The following KIRREL2 variants were observed in gnomAD, a reference collection of about 807,000 sequenced individuals.
KIRREL2 encodes the protein kin of IRRE-like protein 2.
A neutral mutation model predicts 73.4 loss-of-function variants in KIRREL2; 56 were observed. That is an observed-to-expected ratio of 0.76 (90% CI 0.62 to 0.95). KIRREL2 has a LOEUF of 0.95. KIRREL2 is among the 40% of genes least tolerant of loss of function. KIRREL2 has a pLI of 0.00. For missense variants in KIRREL2, 896 were observed against 935.0 expected (o/e 0.96, Z 0.54); for synonymous variants, 407 against 404.0 (o/e 1.01, Z -0.09).
At chr19:35,861,437 A>T in intron 9 of KIRREL2, 104 bp from the exon 10 acceptor site, 1 of 1,457,926 alleles carries the variant, frequency 6.9e-7, no homozygotes, top group South Asian at 1.2e-5. Flanking sequence ...GCGTGGCCTG[A>T]TTGATTGAGG....
chr19:35,864,782 G>C, intron 14 of KIRREL2, 69 bp downstream of exon 14: 1 of 1,244,254 alleles, frequency 8.0e-7, no homozygotes, highest in South Asian at 1.2e-5. Context: ...TTGTGTTTCC[G>C]TCTCTCTCCC....
intron 14 of KIRREL2, 137 bp downstream of exon 14, chr19:35,864,850 C>T: frequency 1.5e-6 from 1 of 656,938 alleles, no homozygotes; most frequent in East Asian, 2.8e-5. Flanking sequence ...CAGCTCCCCA[C>T]CCCACTCCTC....
At chr19:35,864,168 A>G (rs1471588146) in intron 13 of KIRREL2, among the ~76,000 whole-genome samples, 3 of 138,998 alleles carry the variant, frequency 2.2e-5, no homozygotes, top group Non-Finnish European at 3.1e-5. Context: ...ATGTCCCCAC[A>G]GCCCGTTTTT....
At chr19:35,856,090 G>A (rs958468929), upstream of KIRREL2, 4 of 152,372 alleles carry the variant, frequency 2.6e-5, no homozygotes, top group Non-Finnish European at 4.4e-5. The surrounding 1 kb of genome is among the most constrained non-coding windows in gnomAD (Gnocchi z 5.9). Flanking sequence ...GTCAGATCAG[G>A]GTCCCAGCCC....
chr19:35,854,036 G>T (rs749740430), upstream of KIRREL2, among the ~76,000 whole-genome samples: 8 of 152,034 alleles, frequency 5.3e-5, no homozygotes, highest in Non-Finnish European at 1.2e-4. Context: ...GTAGAGACGG[G>T]GTTTCGCCAT....
intron 4 of KIRREL2, 143 bp from the exon 5 acceptor site, chr19:35,859,338 T>A (rs982626741): frequency 1.4e-6 from 1 of 717,540 alleles, no homozygotes; most frequent in Non-Finnish European, 2.2e-6. Context: ...GAGACTTTTT[T>A]GTAATTTTTT....
chr19:35,858,476 G>T lies in KIRREL2; in HGVS notation c.280G>T (p.Glu94Ter). 6.2e-7 allele frequency: 1 copy of T among 1,614,158 alleles called. No homozygotes were observed. The highest frequency in any genetic ancestry group is 2.2e-5 in the East Asian group (1 of 44,884). The change falls in exon 3 of 15, where the codon GAG becomes TAG. Residue 94 changes from glutamate (E) to a stop codon, truncating the protein, a stop_gained. Coordinates refer to ENST00000360202, the MANE Select transcript of KIRREL2 (RefSeq NM_199180.4). LOFTEE classifies it high-confidence loss of function. Reference sequence around the variant, plus strand: ...GCATGACCTCCACATTAGGCCCGTGGAGCTAGAGGATGAAGCATCATATGA... The same window carrying T: ...GCATGACCTCCACATTAGGCCCGTGTAGCTAGAGGATGAAGCATCATATGA... ...GQHDLHIRPV[E>*]LEDEASYECQ... is the part of the protein sequence containing the mutation.
rs1278224214 is a variant in KIRREL2, at chr19:35,862,621, G to C, written c.1615+24G>C. The C allele has an allele frequency of 1.9e-6, 3 of 1,560,694 alleles. No individual in the cohort carries two copies. In the East Asian group the frequency reaches 6.7e-5, roughly 35 times the overall value. ...GGGTTAGTGCCTGAGCCCCGCCCCG[G>C]CTCCCGAGGCCCCAGCCCCACACGC... is the stretch of plus-strand genomic sequence containing the variant. On this transcript the variant is annotated intron_variant, in intron 12 of 14. Coordinates refer to ENST00000360202, the MANE Select transcript of KIRREL2 (RefSeq NM_199180.4).
Position 35,866,158 on chromosome 19 carries a change from A to T in KIRREL2, c.1793A>T (p.Asp598Val), listed in dbSNP as rs770196497. The change falls in exon 15 of 15, where the codon GAC (aspartate) becomes GTC (valine). Residue 598 changes from aspartate to valine, a missense_variant and splice_region_variant. By Grantham distance (152) the Asp-to-Val change is radical. Transcript: ENST00000360202. ...ACTGAGTCCCATTTGTCCCCTCAGG[A>T]CCCAACCAACGGTTACTACAAGGTC... is the stretch of plus-strand genomic sequence containing the variant. ...LEEEGTLETK[D>V]PTNGYYKVRG... The T allele has an allele frequency of 4.3e-5, 69 of 1,605,438 alleles. No homozygotes were observed. The highest frequency in any genetic ancestry group is 5.3e-5 in the Non-Finnish European group (62 of 1,177,970).
At chr19:35,854,426 A>T (rs943448827), upstream of KIRREL2, among the ~76,000 whole-genome samples, 3 of 151,256 alleles carry the variant, frequency 2.0e-5, no homozygotes, top group African/African-American at 7.3e-5. Context: ...GGTTCAGGCG[A>T]TTCTCCTGCC....
At chr19:35,865,433 G>T (rs1973927592) in intron 14 of KIRREL2, among the ~76,000 whole-genome samples, 1 of 152,136 alleles carries the variant, frequency 6.6e-6, no homozygotes, top group African/African-American at 2.4e-5. Flanking sequence ...TTACAGGCGT[G>T]AGCCACTGTG....
chr19:35,858,972 C>A, intron 4 of KIRREL2, 108 bp downstream of exon 4: 1 of 1,258,672 alleles, frequency 7.9e-7, no homozygotes, highest in Non-Finnish European at 1.1e-6. Flanking sequence ...GGCAGAGGTT[C>A]ATGGGTTTGG....
chr19:35,862,434 AG>A, intron 11 of KIRREL2, 58 bp from the exon 12 acceptor site: 1 of 1,268,032 alleles, frequency 7.9e-7, no homozygotes, highest in South Asian at 1.2e-5. Context: ...TCAATCCCTG[AG>A]CCCCCGCTTC....
At chr19:35,857,677 T>C (rs1444212948) in intron 2 of KIRREL2, among the ~76,000 whole-genome samples, 183 bp downstream of exon 2, 1 of 152,140 alleles carries the variant, frequency 6.6e-6, no homozygotes, top group Non-Finnish European at 1.5e-5. Flanking sequence ...TTGGGAATTA[T>C]TATGTTATTG....
At position 35,857,479 on chromosome 19, in the gene KIRREL2, C is replaced by T. The variant is rs1973474658; in HGVS notation, c.196C>T (p.Gln66Ter). The T allele has an allele frequency of 6.3e-7, 1 of 1,597,094 alleles. No homozygotes were observed. The highest frequency in any genetic ancestry group is 1.1e-5 in the South Asian group (1 of 88,502). Residue 66 changes from glutamine to a stop codon, truncating the protein, a stop_gained, in exon 2 of 15, where the codon CAA (glutamine) becomes TAA (stop). Transcript: ENST00000360202. LOFTEE classifies it high-confidence loss of function. ...WTKSGLALGG[Q>*]RDLPGWSRYW... ...TAAGAGTGGGCTGGCCCTAGGGGGC[C>T]AAAGGGACCTACCAGGTAAGAGTGT...
upstream of KIRREL2, among the ~76,000 whole-genome samples, chr19:35,853,108 T>TG (rs112833459): frequency 0.088 from 13,342 of 152,078 alleles, 1,138 homozygotes; most frequent in African/African-American, 0.23. Context: ...CTTCCTTTTT[T>TG]AGTAGACATC....
chr19:35,853,542 T>C (rs932561303), upstream of KIRREL2, among the ~76,000 whole-genome samples: 2 of 152,176 alleles, frequency 1.3e-5, no homozygotes, highest in Non-Finnish European at 2.9e-5. Context: ...CTTGCTCTGT[T>C]GCCCAGGCTG....
rs1599863932 is a variant in KIRREL2 at position 35,861,264 on chromosome 19, C to CGG, written c.1189+13_1189+14dup. On this transcript the variant is annotated intron_variant, in intron 9 of 14. Transcript: ENST00000360202. ...CGGCTGACTGTGAACGGTGAGAAGG[C>CGG]GGGGCTTCCTAGGGGACCTGGCCCG... 6.6e-7 allele frequency: 1 copy of CGG among 1,522,962 alleles called. No individual in the cohort carries two copies. The highest frequency in any genetic ancestry group is 8.7e-7 in the Non-Finnish European group (1 of 1,146,318). 94.3% of individuals were successfully genotyped at this position (1,522,962 alleles called of 1,614,324 possible).
chr19:35,853,353 C>T (rs188536101), upstream of KIRREL2, among the ~76,000 whole-genome samples: 322 of 152,286 alleles, frequency 2.1e-3, 1 homozygote, highest in Non-Finnish European at 3.5e-3. Flanking sequence ...CCAATTCCAC[C>T]GGCCCCCAGT....
Sources: gnomAD v4.1 joint callset for allele counts (sites outside exome capture counted in the v4.1 genomes callset) on GRCh38, gnomAD v4.1.1 for gene constraint, Gnocchi (gnomAD v3.1) non-coding constraint, MANE v1.5 for transcripts, NCBI Gene and HGNC (gene_info 2026-07-23, HGNC 2026-07-21) for gene names.